The following STXBP5L variants were observed in gnomAD, a reference collection of about 807,000 sequenced individuals.
STXBP5L encodes the protein syntaxin binding protein 5L.
In STXBP5L, 65 loss-of-function variants were observed where a neutral mutation model predicts 144.5. The observed-to-expected ratio is 0.45, with a 90% CI of 0.37 to 0.55. The LOEUF (loss-of-function observed/expected upper bound fraction) is 0.55. STXBP5L is among the 20% of genes least tolerant of loss of function. STXBP5L has a pLI of 0.00. For synonymous variants in STXBP5L, 505 were observed against 469.6 expected (o/e 1.08, Z -0.97); for missense variants, 1,298 against 1,405.5 (o/e 0.92, Z 1.22).
At chr3:121,137,968 T>G (rs925554233) in intron 7 of STXBP5L, among the ~76,000 whole-genome samples, 7 of 152,094 alleles carry the variant, frequency 4.6e-5, no homozygotes, top group African/African-American at 1.7e-4. Context: ...GGCATCCAAA[T>G]TTGATAGGAG....
At chr3:121,292,503 T>A (rs2051479400) in intron 19 of STXBP5L, among the ~76,000 whole-genome samples, 1 of 152,108 alleles carries the variant, frequency 6.6e-6, no homozygotes, top group African/African-American at 2.4e-5. Context: ...GAACCAAAAG[T>A]AGATCTACCA....
At chr3:121,001,493 G>T (rs1223367262) in intron 3 of STXBP5L, among the ~76,000 whole-genome samples, 1 of 152,144 alleles carries the variant, frequency 6.6e-6, no homozygotes, top group African/African-American at 2.4e-5. Flanking sequence ...GGTATCCCTG[G>T]CTGTGCTCCA....
chr3:121,402,370 G>A (rs1199667351), intron 22 of STXBP5L, among the ~76,000 whole-genome samples: 1 of 152,102 alleles, frequency 6.6e-6, no homozygotes, highest in Non-Finnish European at 1.5e-5. Context: ...AATATCTCAG[G>A]CTCCTTAAGA....
At chr3:121,123,863 TTTTTA>T (rs2044587112) in intron 7 of STXBP5L, among the ~76,000 whole-genome samples, 1 of 151,780 alleles carries the variant, frequency 6.6e-6, no homozygotes, top group African/African-American at 2.4e-5. Context: ...CACAGAAGTT[TTTTTA>T]TTTTAATATA....
chr3:121,149,753 T>C (rs1391434439), intron 7 of STXBP5L, among the ~76,000 whole-genome samples: 1 of 152,032 alleles, frequency 6.6e-6, no homozygotes, highest in Non-Finnish European at 1.5e-5. Flanking sequence ...AATCAATATG[T>C]GGAAAACTTT....
rs185398937 is a variant in STXBP5L at position 121,266,504 on chromosome 3, C to T, written c.1958+7336C>T. 3.3e-3 allele frequency among the ~76,000 whole-genome samples: 507 copies of T among 152,226 alleles called. 3 individuals are homozygous for T. The highest frequency in any genetic ancestry group is 0.011 in the African/African-American group (470 of 41,540). Reference sequence around the variant, plus strand: ...AATAATAAGAGCTATTTATGAGAAACCCACAGCCAATATCATACTCAATAG... The same window carrying T: ...AATAATAAGAGCTATTTATGAGAAATCCACAGCCAATATCATACTCAATAG... On this transcript the variant is annotated intron_variant, in intron 18 of 26. Transcript: ENST00000471454.
intron 5 of STXBP5L, among the ~76,000 whole-genome samples, chr3:121,046,952 C>A: frequency 6.6e-6 from 1 of 151,756 alleles, no homozygotes; most frequent in Admixed American, 6.6e-5. Flanking sequence ...TGTTAGGTTG[C>A]TAATTTGAGA....
intron 10 of STXBP5L, among the ~76,000 whole-genome samples, chr3:121,210,072 T>C (rs1163244329): frequency 6.6e-6 from 1 of 152,152 alleles, no homozygotes; most frequent in Non-Finnish European, 1.5e-5. Flanking sequence ...TGTTCCTATT[T>C]CTCCACATCC....
chr3:121,174,398 CTG>C (rs941416429), intron 9 of STXBP5L, among the ~76,000 whole-genome samples: 7 of 151,784 alleles, frequency 4.6e-5, no homozygotes, highest in African/African-American at 1.7e-4. Flanking sequence ...GTTTGTCTGC[CTG>C]TTTTTTCAGA....
chr3:121,411,289 A>T (rs939354867), intron 23 of STXBP5L, among the ~76,000 whole-genome samples: 1 of 152,094 alleles, frequency 6.6e-6, no homozygotes, highest in Non-Finnish European at 1.5e-5. Context: ...CCCATTTTAC[A>T]TAGTAAATTT....
chr3:121,411,481 A>T (rs2047113551), intron 23 of STXBP5L, among the ~76,000 whole-genome samples: 1 of 152,168 alleles, frequency 6.6e-6, no homozygotes, highest in Admixed American at 6.6e-5. Context: ...ACTGATTAAA[A>T]GGCAATGAGA....
At chr3:121,366,142 T>C (rs1167536973) in intron 20 of STXBP5L, among the ~76,000 whole-genome samples, 1 of 152,010 alleles carries the variant, frequency 6.6e-6, no homozygotes, top group Non-Finnish European at 1.5e-5. Flanking sequence ...ATGGCATCTA[T>C]CTTTTTAAGT....
intron 8 of STXBP5L, among the ~76,000 whole-genome samples, chr3:121,155,667 T>TA (rs1295393305): frequency 2.0e-5 from 3 of 151,838 alleles, no homozygotes; most frequent in African/African-American, 7.2e-5. Flanking sequence ...TAGAATCTAA[T>TA]AAATAGAAAT....
At chr3:121,066,588 A>G (rs1398296582) in intron 5 of STXBP5L, among the ~76,000 whole-genome samples, 2 of 152,062 alleles carry the variant, frequency 1.3e-5, no homozygotes, top group Admixed American at 1.3e-4. Context: ...TAGCATTATT[A>G]TATGTGCTAA....
At chr3:121,304,145 A>G (rs1331059994) in intron 19 of STXBP5L, among the ~76,000 whole-genome samples, 1 of 152,166 alleles carries the variant, frequency 6.6e-6, no homozygotes, top group Non-Finnish European at 1.5e-5. Flanking sequence ...AGGCAAGGAG[A>G]TAAACAGTTC....
At chr3:121,281,899 ATAAT>A (rs1244369514) in intron 19 of STXBP5L, among the ~76,000 whole-genome samples, 1 of 151,830 alleles carries the variant, frequency 6.6e-6, no homozygotes, top group Non-Finnish European at 1.5e-5. Context: ...TATTAATGAA[ATAAT>A]TTATACATAT....
chr3:121,149,749 T>G (rs1391841541), intron 7 of STXBP5L, among the ~76,000 whole-genome samples: 1 of 151,934 alleles, frequency 6.6e-6, no homozygotes, highest in African/African-American at 2.4e-5. Flanking sequence ...AGAAAATCAA[T>G]ATGTGGAAAA....
At chr3:121,236,134 G>A (rs1215047808) in intron 12 of STXBP5L, among the ~76,000 whole-genome samples, 1 of 152,114 alleles carries the variant, frequency 6.6e-6, no homozygotes, top group Non-Finnish European at 1.5e-5. Flanking sequence ...TAGTAGGCTT[G>A]AGGATATGAA....
intron 20 of STXBP5L, among the ~76,000 whole-genome samples, chr3:121,347,243 G>A (rs2045032162): frequency 6.6e-6 from 1 of 152,084 alleles, no homozygotes; most frequent in Non-Finnish European, 1.5e-5. Flanking sequence ...TGTCAGGTTT[G>A]TCAAAGATCA....
Sources: allele counts gnomAD v4.1 joint callset (sites outside exome capture counted in the v4.1 genomes callset), GRCh38; gene constraint gnomAD v4.1.1; transcripts MANE v1.5; gene names NCBI Gene and HGNC (gene_info 2026-07-23, HGNC 2026-07-21).